Variants in ROBO2 observed in about 807,000 individuals in gnomAD.
ROBO2 encodes the protein roundabout homolog 2.
Under a neutral mutation model 160.8 loss-of-function variants are expected in ROBO2, and 53 were observed. The observed-to-expected ratio is 0.33, with a 90% CI of 0.26 to 0.41. The LOEUF (loss-of-function observed/expected upper bound fraction) is 0.41. Ranked by LOEUF, ROBO2 falls within the 10% of genes least tolerant of loss-of-function variation. The probability of loss-of-function intolerance (pLI) is 1.00; values close to 1 mark genes in which losing one functional copy is unlikely to be tolerated. For missense variants in ROBO2, 1,577 were observed against 1,722.4 expected (o/e 0.92, Z 1.49); for synonymous variants, 664 against 611.7 (o/e 1.09, Z -1.26).
At chr3:77,277,157 C>CTTCTTTCTTTCCTTCTTTCT in intron 2 of ROBO2, among the ~76,000 whole-genome samples, 1 of 88,214 alleles carries the variant, frequency 1.1e-5, no homozygotes, top group South Asian at 4.6e-4. Context: ...TCCTTCTTTC[C>CTTCTTTCTTTCCTTCTTTCT]TTCTTTCTTT....
In ROBO2 at chr3:76,776,496, A is replaced by T. The variant is rs541756898; in HGVS notation, c.110-321518A>T. Among the ~76,000 whole-genome samples, 7 of 151,028 alleles carry T rather than the reference A, an allele frequency of 4.6e-5. No individual in the cohort carries two copies. In the South Asian group the frequency reaches 1.5e-3, roughly 31 times the overall value. ...CACAAAAATTTAAAGTAGATAGAGG[A>T]AATATTCTTGATACTTACTAGAAAG... is the stretch of plus-strand genomic sequence containing the variant. On this transcript the variant is annotated intron_variant, in intron 2 of 26. Transcript: ENST00000487694.
At chr3:76,116,785 C>CTT (rs1455274804) in intron 2 of ROBO2, among the ~76,000 whole-genome samples, 1 of 152,162 alleles carries the variant, frequency 6.6e-6, no homozygotes, top group East Asian at 1.9e-4. Context: ...TTCCACCAAG[C>CTT]TTTGTGTGAG....
intron 2 of ROBO2, among the ~76,000 whole-genome samples, chr3:76,319,516 T>C (rs1481298335): frequency 6.6e-6 from 1 of 152,040 alleles, no homozygotes; most frequent in African/African-American, 2.4e-5. Context: ...ATTATGATGT[T>C]GAAAACAAAA....
At chr3:76,313,358 A>G (rs938764707) in intron 2 of ROBO2, among the ~76,000 whole-genome samples, 1 of 152,184 alleles carries the variant, frequency 6.6e-6, no homozygotes, top group Non-Finnish European at 1.5e-5. Flanking sequence ...GTTATCTTTC[A>G]GTGGGTTGTA....
chr3:76,956,971 G>A (rs2079317624), intron 2 of ROBO2, among the ~76,000 whole-genome samples: 1 of 151,964 alleles, frequency 6.6e-6, no homozygotes, highest in Non-Finnish European at 1.5e-5. Flanking sequence ...GAAAACCAAG[G>A]CTCTGAAAGA....
chr3:76,506,245 ATGATTCTGGAGTCT>A (rs1356790604), intron 2 of ROBO2, among the ~76,000 whole-genome samples: 2 of 152,194 alleles, frequency 1.3e-5, no homozygotes, highest in African/African-American at 4.8e-5. Flanking sequence ...TTTATTACTC[ATGATTCTGGAGTCT>A]GGGAAGTCCA....
intron 2 of ROBO2, among the ~76,000 whole-genome samples, chr3:76,221,379 G>C (rs1181324558): frequency 1.3e-5 from 2 of 150,114 alleles, no homozygotes; most frequent in Non-Finnish European, 3.0e-5. Flanking sequence ...TTTTACAAGT[G>C]GGTAACTCAG....
Position 76,387,388 on chromosome 3 carries a change from A to G in ROBO2, c.109+449786A>G, listed in dbSNP as rs577402749. Among the ~76,000 whole-genome samples, 282 of 152,198 alleles carry G rather than the reference A, an allele frequency of 1.9e-3. 2 individuals carry two copies. The highest frequency in any genetic ancestry group is 6.4e-3 in the African/African-American group (267 of 41,530). On this transcript the variant is annotated intron_variant, in intron 2 of 26. Coordinates refer to the ROBO2 transcript ENST00000487694. ...TAAGCTGAATCTTGAAGAATCATTT[A>G]TTATTATTACTATTTATATTAAAAA...
intron 6 of ROBO2, among the ~76,000 whole-genome samples, chr3:77,540,567 G>A (rs958911563): frequency 2.6e-5 from 4 of 151,930 alleles, no homozygotes; most frequent in Admixed American, 2.0e-4. Context: ...GGGGCCAGTC[G>A]GGGGCAGTGG....
At chr3:77,391,180 GGAA>G (rs2074687279) in intron 2 of ROBO2, among the ~76,000 whole-genome samples, 1 of 152,012 alleles carries the variant, frequency 6.6e-6, no homozygotes, top group African/African-American at 2.4e-5. Context: ...AGTTTAGAAA[GGAA>G]GAAGAAGACA....
chr3:76,637,717 G>T (rs901076125), intron 2 of ROBO2, among the ~76,000 whole-genome samples: 1 of 152,074 alleles, frequency 6.6e-6, no homozygotes, highest in Non-Finnish European at 1.5e-5. Context: ...AAGATATTTG[G>T]TTATTATAGA....
chr3:76,157,249 C>G (rs116483826), intron 2 of ROBO2, among the ~76,000 whole-genome samples: 117 of 152,074 alleles, frequency 7.7e-4, no homozygotes, highest in African/African-American at 2.7e-3. Flanking sequence ...AACCTTCTAA[C>G]TTTTTCAGTT....
rs541133340 is a variant in ROBO2, at chr3:77,254,188, C to A, written c.388+155848C>A. Among the ~76,000 whole-genome samples the A allele has an allele frequency of 7.4e-4, 113 of 152,222 alleles. 1 individual carries two copies. Among genetic ancestry groups the A allele is most frequent in the Admixed American group, 3.3e-4 (5 of 15,280 alleles). ...GCTGAGGTCTGACAATGGCTTGAGCCCAGGAGCAGTTAGAGGCTGCAGTGA... is the reference window on the plus strand; with the variant it reads ...GCTGAGGTCTGACAATGGCTTGAGCACAGGAGCAGTTAGAGGCTGCAGTGA... On this transcript the variant is annotated intron_variant, in intron 2 of 25. Coordinates refer to ENST00000461745, the Ensembl canonical transcript of ROBO2.
intron 2 of ROBO2, among the ~76,000 whole-genome samples, chr3:76,066,645 A>G (rs2068263114): frequency 6.6e-6 from 1 of 151,980 alleles, no homozygotes; most frequent in African/African-American, 2.4e-5. Context: ...CCAATTTTAT[A>G]TGTGAATAAA....
intron 2 of ROBO2, among the ~76,000 whole-genome samples, chr3:76,568,536 G>C (rs1417339563): frequency 6.6e-6 from 1 of 151,036 alleles, no homozygotes; most frequent in African/African-American, 2.4e-5. Flanking sequence ...TCGATCTCCT[G>C]ACCTCGTGAT....
intron 2 of ROBO2, among the ~76,000 whole-genome samples, chr3:76,736,961 C>A (rs1418233119): frequency 6.6e-6 from 1 of 152,186 alleles, no homozygotes; most frequent in Non-Finnish European, 1.5e-5. Flanking sequence ...ACAGCATACT[C>A]TATCCTGCTT....
intron 2 of ROBO2, among the ~76,000 whole-genome samples, chr3:77,429,304 C>T (rs1156985295): frequency 2.0e-5 from 3 of 152,092 alleles, no homozygotes; most frequent in Non-Finnish European, 2.9e-5. Context: ...TAAGTGCACC[C>T]GACTTGCTTT....
At chr3:76,050,493 T>G (rs1458967063) in intron 2 of ROBO2, among the ~76,000 whole-genome samples, 1 of 152,134 alleles carries the variant, frequency 6.6e-6, no homozygotes, top group Non-Finnish European at 1.5e-5. Context: ...GAGTCAATTC[T>G]CCTAATAAAC....
intron 5 of ROBO2, among the ~76,000 whole-genome samples, chr3:77,507,298 C>T (rs1299203495): frequency 6.6e-6 from 1 of 152,152 alleles, no homozygotes; most frequent in African/African-American, 2.4e-5. Context: ...CTGAACATCC[C>T]TCTGATAATG....
Sources: allele counts gnomAD v4.1 joint callset (sites outside exome capture counted in the v4.1 genomes callset), GRCh38; gene constraint gnomAD v4.1.1; transcripts MANE v1.5; gene names NCBI Gene and HGNC (gene_info 2026-07-23, HGNC 2026-07-21).